KIF26B: variants seen among roughly 807,000 people sequenced by gnomAD.
The protein encoded by KIF26B is kinesin family member 26B.
KIF26B carries 63 observed loss-of-function variants against 151.2 expected under a neutral mutation model. That is an observed-to-expected ratio of 0.42 (90% CI 0.34 to 0.51). The LOEUF (loss-of-function observed/expected upper bound fraction) is 0.51. Among genes scored for constraint, KIF26B ranks in the 20% least tolerant of loss-of-function variants. KIF26B has a pLI of 0.07. For synonymous variants in KIF26B, 1,357 were observed against 1,262.1 expected (o/e 1.08, Z -1.59); for missense variants, 2,813 against 2,913.6 (o/e 0.97, Z 0.79).
chr1:245,655,687 C>T (rs1438946002), intron 10 of KIF26B, among the ~76,000 whole-genome samples: 4 of 152,136 alleles, frequency 2.6e-5, no homozygotes, highest in Admixed American at 1.3e-4. Flanking sequence ...GTGACTGGGG[C>T]GTGATTTGAA....
chr1:245,219,702 C>G (rs1310321800), intron 2 of KIF26B, among the ~76,000 whole-genome samples: 1 of 152,112 alleles, frequency 6.6e-6, no homozygotes, highest in Admixed American at 6.5e-5. Context: ...CCGCTGCACT[C>G]TAGCCTGCGC....
intron 2 of KIF26B, among the ~76,000 whole-genome samples, chr1:245,277,550 CT>C (rs1670961490): frequency 1.3e-5 from 2 of 152,108 alleles, no homozygotes; most frequent in Admixed American, 1.3e-4. Context: ...CTCCAGACCC[CT>C]GGCCTCATTA....
chr1:245,697,106 C>T (rs574424790), intron 12 of KIF26B, among the ~76,000 whole-genome samples: 2 of 152,158 alleles, frequency 1.3e-5, no homozygotes, highest in South Asian at 2.1e-4. Context: ...GTGAGACTCC[C>T]TCTCAAAAAC....
chr1:245,589,871 G>A (rs7550851), intron 5 of KIF26B, among the ~76,000 whole-genome samples: 21,138 of 152,150 alleles, frequency 0.14, 1,638 homozygotes, highest in African/African-American at 0.22. Context: ...ACACTAAATC[G>A]GGTGCCATGT....
chr1:245,294,113 C>G (rs1007127809), intron 2 of KIF26B, among the ~76,000 whole-genome samples: 1 of 152,100 alleles, frequency 6.6e-6, no homozygotes, highest in Non-Finnish European at 1.5e-5. Flanking sequence ...GGGCTGTGTA[C>G]ACGGAGTCTA....
intron 2 of KIF26B, among the ~76,000 whole-genome samples, chr1:245,333,857 G>A (rs961209477): frequency 6.6e-6 from 1 of 152,126 alleles, no homozygotes; most frequent in African/African-American, 2.4e-5. Context: ...AATTAGCCAG[G>A]CATGGTGGTG....
chr1:245,586,452 T>C (rs2043224798), intron 5 of KIF26B, among the ~76,000 whole-genome samples: 1 of 152,216 alleles, frequency 6.6e-6, no homozygotes, highest in Admixed American at 6.5e-5. Context: ...ATTTTCCTTC[T>C]CTGTCCCTCC....
Position 245,244,756 on chromosome 1 carries a change from T to TCACACACACACACACA in KIF26B, c.465+88094_465+88109dup, listed in dbSNP as rs55638619. ...AGAAGGAACACACAGACACGCACAC[T>TCACACACACACACACA]CACACACACACACACACACACACAC... On this transcript the variant is annotated intron_variant, in intron 2 of 14. Coordinates refer to ENST00000407071, the MANE Select transcript of KIF26B (RefSeq NM_018012.4). This position sits in a 1 kb window ranked among gnomAD's most constrained non-coding sequence, Gnocchi z 4.2. 5.5e-4 allele frequency among the ~76,000 whole-genome samples: 80 copies of TCACACACACACACACA among 144,460 alleles called. No homozygotes were observed. Among genetic ancestry groups the TCACACACACACACACA allele is most frequent in the South Asian group, 1.6e-3 (7 of 4,352 alleles). The allele number at this position is 144,460 out of a possible 152,430, so 94.8% of individuals were successfully genotyped here.
At chr1:245,313,804 G>A (rs558639260) in intron 2 of KIF26B, among the ~76,000 whole-genome samples, 2 of 152,192 alleles carry the variant, frequency 1.3e-5, no homozygotes, top group South Asian at 2.1e-4. Context: ...TACCATTTTC[G>A]TCATTAAATC....
At chr1:245,183,379 T>C (rs987693434) in intron 2 of KIF26B, among the ~76,000 whole-genome samples, 14 of 152,226 alleles carry the variant, frequency 9.2e-5, no homozygotes, top group African/African-American at 3.4e-4. Context: ...TCCAAGATCA[T>C]GAAGATTTAC....
intron 12 of KIF26B, among the ~76,000 whole-genome samples, chr1:245,689,950 G>A (rs1290011080): frequency 6.6e-6 from 1 of 152,094 alleles, no homozygotes; most frequent in Non-Finnish European, 1.5e-5. Flanking sequence ...TTGGAGTCTT[G>A]GGTGGCACAT....
At position 245,329,601 on chromosome 1, in the gene KIF26B, G is replaced by A. The variant is rs529307048; in HGVS notation, c.466-37233G>A. Reference sequence around the variant, plus strand: ...TGCAGTGGCTGAATGGCTGGAGGCCGCCATGACACCCCTCATACACATTCA... The same window carrying A: ...TGCAGTGGCTGAATGGCTGGAGGCCACCATGACACCCCTCATACACATTCA... On this transcript the variant is annotated intron_variant, in intron 2 of 14. Transcript: ENST00000407071. 5.9e-5 allele frequency among the ~76,000 whole-genome samples: 9 copies of A among 152,232 alleles called. No individual in the cohort carries two copies. In the South Asian group the frequency reaches 1.0e-3, roughly 18 times the overall value.
At chr1:245,206,120 A>G (rs1669401335) in intron 2 of KIF26B, among the ~76,000 whole-genome samples, 1 of 152,180 alleles carries the variant, frequency 6.6e-6, no homozygotes, top group Non-Finnish European at 1.5e-5. Context: ...TTGTTGACTC[A>G]TACCTTGGGT....
Position 245,685,426 on chromosome 1 carries a change from G to A in KIF26B, c.2443G>A (p.Gly815Arg), listed in dbSNP as rs748699060. Reference sequence around the variant, plus strand: ...ACAGTACACATCCAGCTCGTCCGGCGGGGAGAGCTCCTGCGAAGAAGGCCG... The same window carrying A: ...ACAGTACACATCCAGCTCGTCCGGCAGGGAGAGCTCCTGCGAAGAAGGCCG... The part of the protein sequence containing the change: ...KTKYTSSSSG[G>R]ESSCEEGRMR... Residue 815 changes from glycine (G) to arginine (R), a missense_variant, in exon 12 of 15, where the codon GGG becomes AGG. Physicochemically the swap from Gly to Arg is moderately radical, Grantham distance 125. Coordinates refer to ENST00000407071, the MANE Select transcript of KIF26B (RefSeq NM_018012.4). 5 of 1,612,418 alleles carry A rather than the reference G, an allele frequency of 3.1e-6. No homozygotes were observed. Among genetic ancestry groups the A allele is most frequent in the Non-Finnish European group, 2.5e-6 (3 of 1,179,072 alleles).
intron 4 of KIF26B, among the ~76,000 whole-genome samples, chr1:245,439,356 A>AG (rs1659010074): frequency 7.8e-6 from 1 of 127,968 alleles, no homozygotes; most frequent in Admixed American, 8.8e-5. Context: ...CAAAAAAAAA[A>AG]AAAAAAAGAA....
chr1:245,522,336 GTTAGC>G (rs905638608), intron 4 of KIF26B, among the ~76,000 whole-genome samples: 1 of 143,044 alleles, frequency 7.0e-6, no homozygotes, highest in African/African-American at 2.6e-5. Flanking sequence ...AGCTGTGTTA[GTTAGC>G]TTAACACAGC....
At chr1:245,588,464 A>T (rs2043250646) in intron 5 of KIF26B, among the ~76,000 whole-genome samples, 1 of 152,110 alleles carries the variant, frequency 6.6e-6, no homozygotes, top group Admixed American at 6.5e-5. Flanking sequence ...GCGTCTCATT[A>T]GCGTTTGCTC....
At chr1:245,459,800 G>A (rs566505217) in intron 4 of KIF26B, among the ~76,000 whole-genome samples, 4 of 152,234 alleles carry the variant, frequency 2.6e-5, no homozygotes, top group Middle Eastern at 3.4e-3. Context: ...TCTCAGTGGT[G>A]GCACAGAAAA....
intron 2 of KIF26B, among the ~76,000 whole-genome samples, chr1:245,252,153 G>A (rs1250010258): frequency 1.3e-5 from 2 of 151,848 alleles, no homozygotes; most frequent in Non-Finnish European, 2.9e-5. Flanking sequence ...GTGCGCATCT[G>A]TAGTCCCAGC....
Sources: gnomAD v4.1 joint callset for allele counts (sites outside exome capture counted in the v4.1 genomes callset) on GRCh38, gnomAD v4.1.1 for gene constraint, Gnocchi (gnomAD v3.1) non-coding constraint, MANE v1.5 for transcripts, NCBI Gene and HGNC (gene_info 2026-07-23, HGNC 2026-07-21) for gene names.